Variants in DERPC observed in about 807,000 individuals in gnomAD.
The protein encoded by DERPC is DERPC proline and glycine rich nuclear protein.
DERPC carries 1 observed loss-of-function variant against 7.2 expected under a neutral mutation model. The observed-to-expected ratio is 0.14, with a 90% CI of 0.05 to 0.66. DERPC has a LOEUF of 0.66. Ranked by LOEUF, DERPC falls within the 30% of genes least tolerant of loss-of-function variation. The probability of loss-of-function intolerance (pLI) is 0.84; values close to 1 mark genes in which losing one functional copy is unlikely to be tolerated. For missense variants in DERPC, 502 were observed against 299.4 expected (o/e 1.68, Z -4.99); for synonymous variants, 185 against 117.6 (o/e 1.57, Z -3.71).
At chr16:69,131,303 T>C (rs1395948950) in intron 1 of DERPC, 3 of 152,172 alleles carry the variant, frequency 2.0e-5, no homozygotes, top group African/African-American at 4.8e-5. Flanking sequence ...TTACTGGTAT[T>C]TGTAGCAATG....
chr16:69,121,084 T>C (rs752302059), intron 2 of DERPC: 1 of 1,613,490 alleles, frequency 6.2e-7, no homozygotes. Flanking sequence ...TCCCAGGAGG[T>C]TTCCAGCTAA....
chr16:69,121,372 C>CATGGCACACCTCT lies in DERPC; in HGVS notation c.-222+51_-222+63dup, dbSNP rs1961642727. On this transcript the variant is annotated intron_variant, in intron 2 of 2. Transcript: ENST00000519520. Reference sequence around the variant, plus strand: ...CTAAGGACCCTGATTCTTCCAGACACATGGCACACCTCTATAGCCCTCATC... The same window carrying CATGGCACACCTCT: ...CTAAGGACCCTGATTCTTCCAGACACATGGCACACCTCTATGGCACACCTCTATAGCCCTCATC... 71 of 1,430,186 alleles carry CATGGCACACCTCT rather than the reference C, an allele frequency of 5.0e-5. No homozygotes were observed. The South Asian group carries it at 8.8e-4, about 18-fold the overall frequency. The allele number at this position is 1,430,186 out of a possible 1,614,324, so 88.6% of individuals were successfully genotyped here.
intron 1 of DERPC, among the ~76,000 whole-genome samples, chr16:69,128,729 C>G (rs769595858): frequency 3.3e-5 from 5 of 152,062 alleles, no homozygotes; most frequent in Non-Finnish European, 7.4e-5. Context: ...CTTATTTAAC[C>G]AGCATTTGGC....
In DERPC at chr16:69,118,347, T is replaced by C. The variant is rs1293210969; in HGVS notation, c.*507A>G. The C allele has an allele frequency of 6.4e-7, 1 of 1,562,960 alleles. No individual in the cohort carries two copies. Among genetic ancestry groups the C allele is most frequent in the East Asian group, 2.2e-5 (1 of 44,638 alleles). On this transcript the variant is annotated 3_prime_UTR_variant, in exon 3 of 3. Coordinates refer to ENST00000519520, the MANE Select transcript of DERPC (RefSeq NM_001002847.4). ...AGTGGTTGTCCATCTCCCTGTTCTG[T>C]GTTCAAGCCCCCAGGGAAAGGTATG...
chr16:69,131,216 A>C (rs1962481791), intron 1 of DERPC: 1 of 152,186 alleles, frequency 6.6e-6, no homozygotes, highest in South Asian at 2.1e-4. Flanking sequence ...AAGTGTGTTC[A>C]AAAACGTGTG....
At chr16:69,126,144 A>C (rs1962042589) in intron 1 of DERPC, among the ~76,000 whole-genome samples, 1 of 152,222 alleles carries the variant, frequency 6.6e-6, no homozygotes, top group African/African-American at 2.4e-5. Flanking sequence ...AGTAAAATAC[A>C]GGTGGTTTTA....
rs1472056403 is a variant in DERPC, at chr16:69,120,631, C to A, written c.-203G>T. On this transcript the variant is annotated 5_prime_UTR_variant, in exon 3 of 3. Coordinates refer to ENST00000519520, the MANE Select transcript of DERPC (RefSeq NM_001002847.4). The surrounding 1 kb of genome is among the most constrained non-coding windows in gnomAD (Gnocchi z 4.0). ...TTCCCATACAGGATATGATGCCCCA[C>A]GATCAGCACAGGGATTCCCTTTGGC... is the stretch of plus-strand genomic sequence containing the variant. 2 of 1,611,922 alleles carry A rather than the reference C, an allele frequency of 1.2e-6. No individual in the cohort carries two copies. Among genetic ancestry groups the A allele is most frequent in the Non-Finnish European group, 1.7e-6 (2 of 1,178,294 alleles).
chr16:69,121,025 T>C, intron 2 of DERPC: 5 of 1,582,924 alleles, frequency 3.2e-6, no homozygotes, highest in Non-Finnish European at 4.3e-6. Context: ...TCCTGAGGCA[T>C]TAGGCAGGGA....
At chr16:69,129,586 A>C (rs1439843163) in intron 1 of DERPC, among the ~76,000 whole-genome samples, 1 of 151,938 alleles carries the variant, frequency 6.6e-6, no homozygotes, top group Non-Finnish European at 1.5e-5. Context: ...AGGTCTTCTC[A>C]CTCCCATTTC....
At chr16:69,128,192 C>T (rs184503520) in intron 1 of DERPC, among the ~76,000 whole-genome samples, 1 of 152,286 alleles carries the variant, frequency 6.6e-6, no homozygotes, top group African/African-American at 2.4e-5. Flanking sequence ...GGATTACAGG[C>T]GTGAACCACA....
At position 69,120,953 on chromosome 16, in the gene DERPC, T is replaced by A; in HGVS notation, c.-221-304A>T. 1 of 1,011,196 alleles carries A rather than the reference T, an allele frequency of 9.9e-7. No individual in the cohort carries two copies. The highest frequency in any genetic ancestry group is 1.6e-6 in the Non-Finnish European group (1 of 629,246). 62.6% of individuals were successfully genotyped at this position (1,011,196 alleles called of 1,614,324 possible). A position where few individuals can be genotyped will look rare whatever the true frequency, so the allele number is the denominator to read the frequency against. ...CATCGCAGATTAGCTAGGCCTTGAA[T>A]AACAAACCTGAGGCAGTCCTCACTC... On this transcript the variant is annotated intron_variant, in intron 2 of 2. Transcript: ENST00000519520. The surrounding 1 kb of genome is among the most constrained non-coding windows in gnomAD (Gnocchi z 4.0).
chr16:69,126,610 G>C (rs910003870), intron 1 of DERPC, among the ~76,000 whole-genome samples: 2 of 152,232 alleles, frequency 1.3e-5, no homozygotes, highest in Non-Finnish European at 2.9e-5. Context: ...TGCTGCAGAT[G>C]TATGTAGAAA....
chr16:69,124,916 T>A (rs979665623), intron 1 of DERPC, among the ~76,000 whole-genome samples: 69 of 151,966 alleles, frequency 4.5e-4, no homozygotes, highest in Non-Finnish European at 8.7e-4. Context: ...TCACTAGACT[T>A]TTTTTGAGAC....
chr16:69,121,223 A>G, intron 2 of DERPC: 1 of 1,523,776 alleles, frequency 6.6e-7, no homozygotes, highest in Non-Finnish European at 9.1e-7. Flanking sequence ...AAGGATGAAT[A>G]GTGTCCTCAC....
chr16:69,122,289 T>A (rs571573546), intron 1 of DERPC, among the ~76,000 whole-genome samples: 2 of 152,276 alleles, frequency 1.3e-5, no homozygotes, highest in South Asian at 4.2e-4. Context: ...AAGGAAAAGA[T>A]GATATGAACC....
Position 69,118,863 on chromosome 16 carries a change from C to T in DERPC, c.1566G>A (p.Leu522=), listed in dbSNP as rs1233787573. The change falls in exon 3 of 3, where the codon TTG becomes TTA. Residue 522 remains leucine (L), a synonymous_variant. Transcript: ENST00000519520. ...PMAAMYPNGM[L]PP ...GGAGGGAAAATGGTGTTTAAGGGGG[C>T]AACATTCCATTTGGGTACATTGCAG... 1 of 702,080 alleles carries T rather than the reference C, an allele frequency of 1.4e-6. No individual in the cohort carries two copies. The highest frequency in any genetic ancestry group is 1.5e-5 in the South Asian group (1 of 67,510). The allele number at this position is 702,080 out of a possible 1,614,324, so 43.5% of individuals were successfully genotyped here.
Position 69,119,408 on chromosome 16 carries a change from T to C in DERPC, c.1021A>G (p.Ile341Val), listed in dbSNP as rs776154872. ...PSPMSRAPGP[I>V]GPNSAHFSRP... ...GAGAAATGAGCTGAATTAGGGCCTATGGGGCCAGGAGCCCTTGACATGGGA... is the reference window on the plus strand; with the variant it reads ...GAGAAATGAGCTGAATTAGGGCCTACGGGGCCAGGAGCCCTTGACATGGGA... The change falls in exon 3 of 3, where the codon ATA becomes GTA. Residue 341 changes from isoleucine to valine, a missense_variant. Physicochemically the swap from Ile to Val is conservative, Grantham distance 29. Coordinates refer to ENST00000519520, the MANE Select transcript of DERPC (RefSeq NM_001002847.4). 3.6e-5 allele frequency: 25 copies of C among 702,830 alleles called. No individual in the cohort carries two copies. The highest frequency in any genetic ancestry group is 2.3e-4 in the Middle Eastern group (1 of 4,390). 43.5% of individuals were successfully genotyped at this position (702,830 alleles called of 1,614,324 possible).
At chr16:69,127,743 G>A (rs1029901324) in intron 1 of DERPC, among the ~76,000 whole-genome samples, 5 of 150,840 alleles carry the variant, frequency 3.3e-5, no homozygotes, top group African/African-American at 1.2e-4. Flanking sequence ...CCAAGTAGCT[G>A]GGACTACAGG....
At chr16:69,122,920 C>T (rs1050217598) in intron 1 of DERPC, among the ~76,000 whole-genome samples, 4 of 152,130 alleles carry the variant, frequency 2.6e-5, no homozygotes, top group East Asian at 3.9e-4. Flanking sequence ...CTCAGGTGAT[C>T]CACCCACCTC....
Sources: gnomAD v4.1 joint callset for allele counts (sites outside exome capture counted in the v4.1 genomes callset) on GRCh38, gnomAD v4.1.1 for gene constraint, Gnocchi (gnomAD v3.1) non-coding constraint, MANE v1.5 for transcripts, NCBI Gene and HGNC (gene_info 2026-07-23, HGNC 2026-07-21) for gene names.